MYO1E: variants seen among roughly 807,000 people sequenced by gnomAD.
MYO1E encodes myosin IE.
In MYO1E, 68 loss-of-function variants were observed where a neutral mutation model predicts 151.1. The ratio of observed to expected loss-of-function variants is 0.45; its 90% CI spans 0.37 to 0.55. The LOEUF (loss-of-function observed/expected upper bound fraction) is 0.55, where lower values mean the gene tolerates loss of function less well. Ranked by LOEUF, MYO1E falls within the 20% of genes least tolerant of loss-of-function variation. The pLI is 0.00. For missense variants in MYO1E, 1,363 were observed against 1,389.3 expected (o/e 0.98, Z 0.30); for synonymous variants, 601 against 501.7 (o/e 1.20, Z -2.64).
rs374189512 is a variant in MYO1E, at chr15:59,262,911, C to T, written c.148-1402G>A. Among the ~76,000 whole-genome samples the T allele has an allele frequency of 9.2e-4, 140 of 152,248 alleles. 5 individuals carry two copies. The highest frequency in any genetic ancestry group is 3.1e-3 in the African/African-American group (128 of 41,546). On this transcript the variant is annotated intron_variant, in intron 2 of 27. Transcript: ENST00000288235. ...TAATTTGAATTGGGTGCTTACTTAA[C>T]ATGCCAGGCACTGTTTTAGATGCTC... is the stretch of plus-strand genomic sequence containing the variant.
intron 2 of MYO1E, among the ~76,000 whole-genome samples, chr15:59,267,085 G>A (rs535966685): frequency 7.6e-6 from 1 of 131,578 alleles, no homozygotes; most frequent in African/African-American, 2.9e-5. Flanking sequence ...GAGTGCAGTG[G>A]TGCAATCTCG....
rs576754950 is a variant in MYO1E at position 59,321,445 on chromosome 15, C to T, written c.4-48996G>A. Among the ~76,000 whole-genome samples, 13 of 152,286 alleles carry T rather than the reference C, an allele frequency of 8.5e-5. No individual in the cohort carries two copies. In the East Asian group the frequency reaches 2.3e-3, roughly 27 times the overall value. On this transcript the variant is annotated intron_variant, in intron 1 of 27. Transcript: ENST00000288235. ...TGGAATCAACCTAGGTGCCCATCAACAGTGAATTGGATAAAGGAAATGTGG... is the reference window on the plus strand; with the variant it reads ...TGGAATCAACCTAGGTGCCCATCAATAGTGAATTGGATAAAGGAAATGTGG...
rs1252824040 is a variant in MYO1E, at chr15:59,135,926, T to TTTAG, written c.*1450_*1453dup. On this transcript the variant is annotated 3_prime_UTR_variant, in exon 28 of 28. Transcript: ENST00000288235. ...CACTATTATGGCAAGAAAACATTGT[T>TTTAG]TTAGTTTGTTAGGGCTGCCGTAACA... 2 of 152,254 alleles carry TTTAG rather than the reference T, an allele frequency of 1.3e-5. No homozygotes were observed. The highest frequency in any genetic ancestry group is 4.8e-5 in the African/African-American group (2 of 41,452). The allele number at this position is 152,254 out of a possible 1,614,324, so 9.4% of individuals were successfully genotyped here. A position where few individuals can be genotyped will look rare whatever the true frequency, so the allele number is the denominator to read the frequency against.
intron 26 of MYO1E, among the ~76,000 whole-genome samples, chr15:59,139,764 T>C (rs554441534): frequency 4.5e-4 from 68 of 150,834 alleles, no homozygotes; most frequent in African/African-American, 1.5e-3. Context: ...CTCCCGTCCC[T>C]CATTATTACT....
At chr15:59,228,221 G>A (rs1179512751) in intron 6 of MYO1E, among the ~76,000 whole-genome samples, 1 of 152,066 alleles carries the variant, frequency 6.6e-6, no homozygotes, top group African/African-American at 2.4e-5. Flanking sequence ...GGTGGCTCAC[G>A]CCTGTAATCC....
chr15:59,217,399 G>A (rs1361231694), intron 10 of MYO1E, among the ~76,000 whole-genome samples: 1 of 151,586 alleles, frequency 6.6e-6, no homozygotes, highest in Non-Finnish European at 1.5e-5. Context: ...AAGGTATCTT[G>A]GTGGGCAGTT....
At chr15:59,359,797 C>G (rs1379519765) in intron 1 of MYO1E, 2 of 152,224 alleles carry the variant, frequency 1.3e-5, no homozygotes, top group African/African-American at 4.8e-5. Flanking sequence ...GTGGATGAGG[C>G]TGGGCCAAGC....
chr15:59,186,404 TTA>T (rs1491418656), intron 18 of MYO1E, among the ~76,000 whole-genome samples: 10 of 149,462 alleles, frequency 6.7e-5, no homozygotes, highest in African/African-American at 1.7e-4. Flanking sequence ...AATCTGAATT[TTA>T]AAAAAAAAAA....
chr15:59,188,472 G>T (rs2079712654), intron 17 of MYO1E, among the ~76,000 whole-genome samples: 2 of 152,232 alleles, frequency 1.3e-5, no homozygotes, highest in South Asian at 4.1e-4. Context: ...GAGGCGGGTA[G>T]ATCACCTGAG....
chr15:59,246,571 C>T (rs1204197269), intron 4 of MYO1E, among the ~76,000 whole-genome samples: 1 of 152,206 alleles, frequency 6.6e-6, no homozygotes. Flanking sequence ...CAGGCCCTCA[C>T]TGCTGCAATA....
intron 1 of MYO1E, among the ~76,000 whole-genome samples, chr15:59,346,945 G>C (rs1231003919): frequency 1.3e-5 from 2 of 151,142 alleles, no homozygotes; most frequent in African/African-American, 4.9e-5. Flanking sequence ...AAAAGTGAAA[G>C]AATTGTGTAA....
At position 59,274,051 on chromosome 15, in the gene MYO1E, A is replaced by G. The variant is rs565749303; in HGVS notation, c.4-1602T>C. 1.1e-4 allele frequency among the ~76,000 whole-genome samples: 14 copies of G among 130,090 alleles called. No homozygotes were observed. In the South Asian group the frequency reaches 3.6e-3, roughly 33 times the overall value. The allele number at this position is 130,090 out of a possible 152,430, so 85.3% of individuals were successfully genotyped here. A position where few individuals can be genotyped will look rare whatever the true frequency, so the allele number is the denominator to read the frequency against. ...AAATTTTATTTTAAAAATTTATTAA[A>G]TGGTTTACTTTTTTTTCGATGGGAA... On this transcript the variant is annotated intron_variant, in intron 1 of 27. Transcript: ENST00000288235.
At position 59,168,311 on chromosome 15, in the gene MYO1E, C is replaced by T. The variant is rs997823125; in HGVS notation, c.2480+3586G>A. On this transcript the variant is annotated intron_variant, in intron 22 of 27. Coordinates refer to ENST00000288235, the MANE Select transcript of MYO1E (RefSeq NM_004998.4). ...CCTGTAATCCTAGCACTTTGGGAGG[C>T]GAGGTGGGTAGATCCCATGAGCCCA... 5.9e-5 allele frequency among the ~76,000 whole-genome samples: 9 copies of T among 152,050 alleles called. No homozygotes were observed. The East Asian group carries it at 9.7e-4, about 16-fold the overall frequency.
chr15:59,231,666 T>A, intron 6 of MYO1E, 36 bp downstream of exon 6: 2 of 1,599,908 alleles, frequency 1.3e-6, no homozygotes, highest in Non-Finnish European at 1.7e-6. Context: ...ACATCATCAA[T>A]CAAGCGACAC....
At chr15:59,230,224 T>TGTGTG (rs1555412948) in intron 6 of MYO1E, among the ~76,000 whole-genome samples, 10,402 of 126,950 alleles carry the variant, frequency 0.082, 535 homozygotes, top group Non-Finnish European at 0.11. Flanking sequence ...CAGTGTGTGT[T>TGTGTG]TGTGTGTGTG....
Position 59,231,738 on chromosome 15 carries a change from G to A in MYO1E, c.474C>T (p.Asn158=), listed in dbSNP as rs139225644. 4.6e-4 allele frequency: 739 copies of A among 1,614,158 alleles called. 2 individuals carry two copies. The African/African-American group carries it at 6.6e-3, about 14-fold the overall frequency. The part of the protein sequence containing the change: ...QSNPLLEAFG[N]AKTVRNNNSS... ...AGTTGTTGTTCCGGACGGTCTTGGCGTTCCCGAAGGCCTCCAGCAGCGGGT... is the reference window on the plus strand; with the variant it reads ...AGTTGTTGTTCCGGACGGTCTTGGCATTCCCGAAGGCCTCCAGCAGCGGGT... The change falls in exon 6 of 28, where the codon AAC becomes AAT. Residue 158 remains asparagine (N), a synonymous_variant. Transcript: ENST00000288235.
intron 4 of MYO1E, among the ~76,000 whole-genome samples, chr15:59,251,528 G>A (rs769018762): frequency 6.6e-6 from 1 of 152,194 alleles, no homozygotes; most frequent in Non-Finnish European, 1.5e-5. Context: ...GAAGTTTTTA[G>A]ATGATGTTGA....
chr15:59,279,358 G>A (rs1342065597), intron 1 of MYO1E, among the ~76,000 whole-genome samples: 6 of 152,068 alleles, frequency 3.9e-5, no homozygotes, highest in Non-Finnish European at 7.4e-5. Flanking sequence ...CATTCAGCCC[G>A]GGACACTTTT....
chr15:59,314,155 G>A (rs1284088763), intron 1 of MYO1E, among the ~76,000 whole-genome samples: 3 of 152,156 alleles, frequency 2.0e-5, no homozygotes, highest in East Asian at 1.9e-4. Context: ...GGGCAGAGGT[G>A]GGCTCCAGAA....
Sources: allele counts gnomAD v4.1 joint callset (sites outside exome capture counted in the v4.1 genomes callset), GRCh38; gene constraint gnomAD v4.1.1; transcripts MANE v1.5; gene names NCBI Gene and HGNC (gene_info 2026-07-23, HGNC 2026-07-21).